C12orf50: variants seen among roughly 807,000 people sequenced by gnomAD.
C12orf50 encodes the protein uncharacterized protein C12orf50.
Under a neutral mutation model 61.6 loss-of-function variants are expected in C12orf50, and 35 were observed. The ratio of observed to expected loss-of-function variants is 0.57; its 90% CI spans 0.43 to 0.75. The LOEUF (loss-of-function observed/expected upper bound fraction) is 0.75. C12orf50 is among the 30% of genes least tolerant of loss of function. C12orf50 has a pLI of 0.00. For synonymous variants in C12orf50, 178 were observed against 161.5 expected (o/e 1.10, Z -0.77); for missense variants, 475 against 488.5 (o/e 0.97, Z 0.26).
At chr12:87,999,513 A>G (rs889442827) in intron 3 of C12orf50, among the ~76,000 whole-genome samples, 1 of 152,190 alleles carries the variant, frequency 6.6e-6, no homozygotes, top group Middle Eastern at 3.2e-3. Flanking sequence ...TAAAAAGACA[A>G]TAACAAGTGT....
chr12:88,027,961 A>G (rs2032767665), intron 1 of C12orf50: 1 of 152,120 alleles, frequency 6.6e-6, no homozygotes. Context: ...AAGTCAATAA[A>G]CTGGTATTTG....
intron 3 of C12orf50, among the ~76,000 whole-genome samples, chr12:88,005,750 C>T (rs1342881822): frequency 6.6e-6 from 1 of 151,500 alleles, no homozygotes; most frequent in African/African-American, 2.4e-5. Context: ...AGCGAGAATC[C>T]ATGTTTTTAA....
chr12:88,023,821 A>G (rs1169550510), intron 3 of C12orf50, among the ~76,000 whole-genome samples: 2 of 152,204 alleles, frequency 1.3e-5, no homozygotes, highest in African/African-American at 4.8e-5. Flanking sequence ...GAGTTTCTGC[A>G]CAGCAAAAGA....
intron 2 of C12orf50, 70 bp from the exon 3 acceptor site, chr12:88,026,678 A>G (rs2032719905): frequency 6.4e-7 from 1 of 1,555,730 alleles, no homozygotes; most frequent in Non-Finnish European, 8.7e-7. Flanking sequence ...AATGTGCTAC[A>G]ATACAGCACA....
chr12:87,993,216 T>C (rs1020336638), intron 7 of C12orf50, among the ~76,000 whole-genome samples: 15 of 152,188 alleles, frequency 9.9e-5, no homozygotes, highest in African/African-American at 3.4e-4. Flanking sequence ...AGGTAATATA[T>C]TATTAATGTT....
At chr12:88,017,969 A>AT (rs1202949682) in intron 3 of C12orf50, among the ~76,000 whole-genome samples, 8 of 152,226 alleles carry the variant, frequency 5.3e-5, no homozygotes, top group Non-Finnish European at 1.2e-4. Context: ...AGTTTGGAAA[A>AT]TTTGCAGCCT....
At chr12:88,022,037 C>G (rs1490102882) in intron 3 of C12orf50, among the ~76,000 whole-genome samples, 1 of 138,154 alleles carries the variant, frequency 7.2e-6, no homozygotes, top group African/African-American at 2.6e-5. Context: ...GAAAGAAAAC[C>G]AAAAAAAAAA....
At chr12:88,017,232 G>A (rs573524506) in intron 3 of C12orf50, among the ~76,000 whole-genome samples, 5 of 152,206 alleles carry the variant, frequency 3.3e-5, no homozygotes, top group Admixed American at 1.3e-4. Flanking sequence ...TCATGGGGGC[G>A]GGTCTTTTCT....
chr12:88,000,872 T>C (rs1420351954), intron 3 of C12orf50, among the ~76,000 whole-genome samples: 1 of 151,914 alleles, frequency 6.6e-6, no homozygotes, highest in Non-Finnish European at 1.5e-5. Flanking sequence ...TTACTGTATA[T>C]TAATATTGTA....
intron 12 of C12orf50, 37 bp downstream of exon 12, chr12:87,983,066 A>G: frequency 5.7e-6 from 7 of 1,230,480 alleles, no homozygotes; most frequent in Non-Finnish European, 8.1e-6. Context: ...CATTTTCAGA[A>G]TTGCATGATA....
intron 3 of C12orf50, among the ~76,000 whole-genome samples, chr12:88,023,500 T>TA (rs36117349): frequency 0.17 from 23,128 of 133,828 alleles, 2,605 homozygotes; most frequent in African/African-American, 0.34. Flanking sequence ...TCGTCTCTAC[T>TA]AAAAAAAAAA....
intron 3 of C12orf50, among the ~76,000 whole-genome samples, chr12:88,015,749 G>T (rs1356562784): frequency 6.6e-6 from 1 of 152,064 alleles, no homozygotes; most frequent in South Asian, 2.1e-4. Context: ...TTCTCAATTG[G>T]TTTAGCAGCT....
intron 9 of C12orf50, among the ~76,000 whole-genome samples, chr12:87,986,715 A>T (rs916184761): frequency 6.6e-6 from 1 of 152,206 alleles, no homozygotes; most frequent in Non-Finnish European, 1.5e-5. Flanking sequence ...CATTCAAAAT[A>T]TAATTATAAA....
At chr12:88,017,957 A>G (rs1005601454) in intron 3 of C12orf50, among the ~76,000 whole-genome samples, 22 of 152,232 alleles carry the variant, frequency 1.4e-4, no homozygotes, top group African/African-American at 4.3e-4. Flanking sequence ...AAACAGCATA[A>G]AAGTTTGGAA....
rs201189790 is a variant in C12orf50, at chr12:88,026,979, A to G, written c.-17T>C. On this transcript the variant is annotated 5_prime_UTR_variant, in exon 2 of 13. Transcript: ENST00000298699. Reference sequence around the variant, plus strand: ...CATTTCCATGTGTCTAAATCTGCAAAGTGGATCTAAACATTTCCTCTCTCT... The same window carrying G: ...CATTTCCATGTGTCTAAATCTGCAAGGTGGATCTAAACATTTCCTCTCTCT... The G allele has an allele frequency of 3.6e-4, 587 of 1,613,920 alleles. 2 individuals carry two copies. Among genetic ancestry groups the G allele is most frequent in the Non-Finnish European group, 5.1e-5 (60 of 1,179,952 alleles).
At chr12:88,018,512 T>C (rs552440878) in intron 3 of C12orf50, among the ~76,000 whole-genome samples, 98 of 152,238 alleles carry the variant, frequency 6.4e-4, no homozygotes, top group Non-Finnish European at 1.0e-3. Context: ...CTACACAAAG[T>C]CCCTACTGGA....
chr12:87,980,292 G>A lies in C12orf50; in HGVS notation c.*39C>T. 6.3e-7 allele frequency: 1 copy of A among 1,587,020 alleles called. No homozygotes were observed. The highest frequency in any genetic ancestry group is 1.7e-5 in the Admixed American group (1 of 58,954). ...TTGATTGTAAATCAGATGATGTCTG[G>A]CAATTTTTTCTCATTTTTCTCTCTC... On this transcript the variant is annotated 3_prime_UTR_variant, in exon 13 of 13. Coordinates refer to ENST00000298699, the MANE Select transcript of C12orf50 (RefSeq NM_152589.3).
chr12:88,013,273 A>G (rs1047047791), intron 3 of C12orf50, among the ~76,000 whole-genome samples: 1 of 152,214 alleles, frequency 6.6e-6, no homozygotes, highest in African/African-American at 2.4e-5. Context: ...AGAACCTATG[A>G]GCTTATTAGA....
intron 9 of C12orf50, among the ~76,000 whole-genome samples, chr12:87,986,733 A>G (rs887185007): frequency 2.0e-5 from 3 of 152,186 alleles, no homozygotes; most frequent in Non-Finnish European, 4.4e-5. Flanking sequence ...AAATCTCATT[A>G]TAATGCTATT....
Sources: gnomAD v4.1 joint callset for allele counts (sites outside exome capture counted in the v4.1 genomes callset) on GRCh38, gnomAD v4.1.1 for gene constraint, MANE v1.5 for transcripts, NCBI Gene and HGNC (gene_info 2026-07-23, HGNC 2026-07-21) for gene names.